The following KIF26B variants were observed in gnomAD, a reference collection of about 807,000 sequenced individuals.
KIF26B encodes kinesin family member 26B.
KIF26B carries 63 observed loss-of-function variants against 151.2 expected under a neutral mutation model. That is an observed-to-expected ratio of 0.42 (90% CI 0.34 to 0.51). The LOEUF (loss-of-function observed/expected upper bound fraction) is 0.51, where lower values mean the gene tolerates loss of function less well. Ranked by LOEUF, KIF26B falls within the 20% of genes least tolerant of loss-of-function variation. The pLI is 0.07. For synonymous variants in KIF26B, 1,357 were observed against 1,262.1 expected, an observed-to-expected ratio of 1.08 and a Z score of -1.59; for missense variants, 2,813 against 2,913.6, an observed-to-expected ratio of 0.97 and a Z score of 0.79.
At chr1:245,591,287 C>T (rs564356444) in intron 5 of KIF26B, among the ~76,000 whole-genome samples, 1 of 152,302 alleles carries the variant, frequency 6.6e-6, no homozygotes, top group South Asian at 2.1e-4. Context: ...TGTCTGCCTT[C>T]AGAGTTCATA....
At chr1:245,517,458 GAAACTGTATTGGC>G (rs1660993812) in intron 4 of KIF26B, among the ~76,000 whole-genome samples, 1 of 152,092 alleles carries the variant, frequency 6.6e-6, no homozygotes, top group South Asian at 2.1e-4. Flanking sequence ...TTATGCTTTT[GAAACTGTATTGGC>G]AGTTTAGGAA....
chr1:245,571,778 T>C (rs571731358), intron 5 of KIF26B, among the ~76,000 whole-genome samples: 1 of 152,340 alleles, frequency 6.6e-6, no homozygotes, highest in Non-Finnish European at 1.5e-5. Flanking sequence ...CACAGATTCT[T>C]TTGTGAGCCT....
At chr1:245,575,238 G>A (rs1328060612) in intron 5 of KIF26B, among the ~76,000 whole-genome samples, 1 of 151,846 alleles carries the variant, frequency 6.6e-6, no homozygotes, top group Non-Finnish European at 1.5e-5. Context: ...ACTTTGGGAG[G>A]CAGAGGCGAG....
chr1:245,680,185 C>T (rs1016714746), intron 10 of KIF26B, among the ~76,000 whole-genome samples: 1 of 152,170 alleles, frequency 6.6e-6, no homozygotes, highest in African/African-American at 2.4e-5. Flanking sequence ...TGCCCCTTCC[C>T]TCCCCTGCCC....
chr1:245,198,460 G>A (rs1180234011), intron 2 of KIF26B, among the ~76,000 whole-genome samples: 3 of 59,932 alleles, frequency 5.0e-5, no homozygotes, highest in Non-Finnish European at 9.3e-5. Flanking sequence ...GGTGGCTCAC[G>A]CCTGTAATCC....
chr1:245,495,393 A>C lies in KIF26B; in HGVS notation c.1167-45374A>C, dbSNP rs1411536714. Among the ~76,000 whole-genome samples, 1 of 152,236 alleles carries C rather than the reference A, an allele frequency of 6.6e-6. No homozygotes were observed. The highest frequency in any genetic ancestry group is 1.5e-5 in the Non-Finnish European group (1 of 68,044). On this transcript the variant is annotated intron_variant, in intron 4 of 14. Coordinates refer to ENST00000407071, the MANE Select transcript of KIF26B (RefSeq NM_018012.4). This position sits in a 1 kb window ranked among gnomAD's most constrained non-coding sequence, Gnocchi z 4.2. Reference sequence around the variant, plus strand: ...TTGTAGGTACATATTTATAGGATACAAAGTGATGATTTTGGTATAGGTGTA... The same window carrying C: ...TTGTAGGTACATATTTATAGGATACCAAGTGATGATTTTGGTATAGGTGTA...
rs185638038 is a variant in KIF26B at position 245,695,110 on chromosome 1, C to T, written c.5825-2996C>T. Among the ~76,000 whole-genome samples the T allele has an allele frequency of 2.4e-4, 36 of 152,258 alleles. No individual in the cohort carries two copies. The East Asian group carries it at 4.8e-3, about 20-fold the overall frequency. On this transcript the variant is annotated intron_variant, in intron 12 of 14. Coordinates refer to ENST00000407071, the MANE Select transcript of KIF26B (RefSeq NM_018012.4). The stretch of plus-strand genomic sequence containing the variant: ...GAAGGAGGGGATCCCTGGCAGAGAC[C>T]GGGCTTGGCAGAAAACTGGGCATCT...
intron 3 of KIF26B, among the ~76,000 whole-genome samples, chr1:245,418,392 A>C (rs1017425702): frequency 6.6e-6 from 1 of 152,260 alleles, no homozygotes; most frequent in Admixed American, 6.5e-5. Flanking sequence ...AATAATGCCA[A>C]GGCTTTCCAA....
chr1:245,539,437 T>C (rs1056890391), intron 4 of KIF26B, among the ~76,000 whole-genome samples: 1 of 152,204 alleles, frequency 6.6e-6, no homozygotes, highest in African/African-American at 2.4e-5. Flanking sequence ...AATTATAAGA[T>C]TTTAATCAGT....
chr1:245,219,127 C>CTTTTTTTTTTTTTTTTTT (rs1166578525), intron 2 of KIF26B, among the ~76,000 whole-genome samples: 1 of 56,144 alleles, frequency 1.8e-5, no homozygotes, highest in African/African-American at 6.5e-5. Context: ...ATACCTACCT[C>CTTTTTTTTTTTTTTTTTT]TTTTTTTTTT....
At chr1:245,672,136 G>C (rs951538723) in intron 10 of KIF26B, among the ~76,000 whole-genome samples, 2 of 152,086 alleles carry the variant, frequency 1.3e-5, no homozygotes, top group Non-Finnish European at 2.9e-5. Context: ...TAACAGTCTT[G>C]GTGGCATTGG....
intron 4 of KIF26B, among the ~76,000 whole-genome samples, chr1:245,513,363 T>C (rs569866058): frequency 6.6e-6 from 1 of 151,946 alleles, no homozygotes; most frequent in East Asian, 1.9e-4. Flanking sequence ...GGAAAACTGC[T>C]GAGCAATTAA....
intron 2 of KIF26B, among the ~76,000 whole-genome samples, chr1:245,355,355 C>G (rs1396906493): frequency 6.6e-6 from 1 of 152,068 alleles, no homozygotes; most frequent in African/African-American, 2.4e-5. Flanking sequence ...AAAAATGTCT[C>G]CAGATATTTC....
chr1:245,268,315 A>C (rs1050777141), intron 2 of KIF26B, among the ~76,000 whole-genome samples: 13 of 151,266 alleles, frequency 8.6e-5, no homozygotes, highest in African/African-American at 2.9e-4. Context: ...TAAAAAATAC[A>C]AAAAAAATTA....
chr1:245,340,662 G>T (rs1672316905), intron 2 of KIF26B, among the ~76,000 whole-genome samples: 2 of 152,186 alleles, frequency 1.3e-5, no homozygotes, highest in Non-Finnish European at 2.9e-5. Context: ...AGGTAAGATA[G>T]ACAGGGTCCT....
chr1:245,155,572 G>A, intron 1 of KIF26B, 85 bp downstream of exon 1: 5 of 1,236,102 alleles, frequency 4.0e-6, no homozygotes, highest in Non-Finnish European at 2.3e-6. Flanking sequence ...GTGCGGCCCC[G>A]GCCCCGAGCT....
At chr1:245,559,839 C>A (rs563093822) in intron 5 of KIF26B, among the ~76,000 whole-genome samples, 254 of 152,256 alleles carry the variant, frequency 1.7e-3, no homozygotes, top group African/African-American at 5.8e-3. Flanking sequence ...AGCCACCACA[C>A]CCAGCCTAAC....
At position 245,686,280 on chromosome 1, in the gene KIF26B, G is replaced by C; in HGVS notation, c.3297G>C (p.Pro1099=). 1.2e-6 allele frequency: 2 copies of C among 1,612,948 alleles called. No homozygotes were observed. Among genetic ancestry groups the C allele is most frequent in the Non-Finnish European group, 1.7e-6 (2 of 1,179,874 alleles). Residue 1099 remains proline (P), a synonymous_variant, in exon 12 of 15, where the codon CCG becomes CCC. Coordinates refer to ENST00000407071, the MANE Select transcript of KIF26B (RefSeq NM_018012.4). The surrounding 1 kb of genome is among the most constrained non-coding windows in gnomAD (Gnocchi z 5.6). Reference sequence around the variant, plus strand: ...TCTACACCCAGAAGGGGGTCCTGCCGTCTCCCGCCCCACTGCCTCCCTCGA... The same window carrying C: ...TCTACACCCAGAAGGGGGTCCTGCCCTCTCCCGCCCCACTGCCTCCCTCGA... ...CKVYTQKGVL[P]SPAPLPPSSK...
chr1:245,610,170 C>T (rs77896012), intron 8 of KIF26B, among the ~76,000 whole-genome samples: 4,107 of 152,248 alleles, frequency 0.027, 85 homozygotes, highest in South Asian at 0.083. Flanking sequence ...TTTATTTTCC[C>T]GTGTTGTCAG....
Sources: allele counts gnomAD v4.1 joint callset (sites outside exome capture counted in the v4.1 genomes callset), GRCh38; gene constraint gnomAD v4.1.1; non-coding constraint Gnocchi (gnomAD v3.1); transcripts MANE v1.5; gene names NCBI Gene and HGNC (gene_info 2026-07-23, HGNC 2026-07-21).